Variants in SPINK4 observed in about 807,000 individuals in gnomAD.
The protein encoded by SPINK4 is serine protease inhibitor Kazal-type 4.
A neutral mutation model predicts 12.3 loss-of-function variants in SPINK4; 10 were observed. That is an observed-to-expected ratio of 0.81 (90% CI 0.50 to 1.37). The LOEUF is 1.37. Ranked by LOEUF, SPINK4 falls within the 40% of genes most tolerant of loss-of-function variation. The probability of loss-of-function intolerance (pLI) is 0.00; values close to 1 mark genes in which losing one functional copy is unlikely to be tolerated. For synonymous variants in SPINK4, 37 were observed against 40.2 expected (o/e 0.92, Z 0.30); for missense variants, 91 against 109.0 (o/e 0.84, Z 0.73).
chr9:33,240,882 G>A (rs573844211), intron 1 of SPINK4, among the ~76,000 whole-genome samples: 3 of 152,308 alleles, frequency 2.0e-5, no homozygotes, highest in Non-Finnish European at 2.9e-5. Flanking sequence ...GAAAAAGCAC[G>A]GTCCTGATGG....
intron 1 of SPINK4, among the ~76,000 whole-genome samples, chr9:33,243,771 C>T (rs1820261419): frequency 6.6e-6 from 1 of 152,080 alleles, no homozygotes; most frequent in Admixed American, 6.6e-5. Flanking sequence ...TACCCCAATG[C>T]CAGGCTTAAA....
chr9:33,245,841 C>T (rs995509156), intron 2 of SPINK4, among the ~76,000 whole-genome samples: 6 of 152,178 alleles, frequency 3.9e-5, no homozygotes, highest in Non-Finnish European at 8.8e-5. Flanking sequence ...GTGAGAGAAA[C>T]GCCACTATTA....
chr9:33,246,908 A>G (rs534480345), intron 3 of SPINK4, among the ~76,000 whole-genome samples, 180 bp downstream of exon 3: 1 of 152,216 alleles, frequency 6.6e-6, no homozygotes, highest in African/African-American at 2.4e-5. Context: ...CATGGTTCCA[A>G]GCAGAAATCT....
At position 33,248,547 on chromosome 9, in the gene SPINK4, T is replaced by TA; in HGVS notation, c.*80dup. 1 of 1,564,906 alleles carries TA rather than the reference T, an allele frequency of 6.4e-7. No individual in the cohort carries two copies. The highest frequency in any genetic ancestry group is 8.8e-7 in the Non-Finnish European group (1 of 1,142,192). ...GGCATGGAGAGGATATGACATGAAATAAAAGATCCAGCCCAACTGAGTGAA... is the reference window on the plus strand; with the variant it reads ...GGCATGGAGAGGATATGACATGAAATAAAAAGATCCAGCCCAACTGAGTGAA... On this transcript the variant is annotated 3_prime_UTR_variant, in exon 4 of 4. Transcript: ENST00000379721.
chr9:33,248,062 C>G (rs1820303479), intron 3 of SPINK4: 1 of 221,694 alleles, frequency 4.5e-6, no homozygotes, highest in Non-Finnish European at 9.0e-6. Flanking sequence ...GTTTGGGGGT[C>G]TGTACCAGTT....
rs1186751904 is a variant in SPINK4, at chr9:33,240,268, G to A, written c.60G>A (p.Arg20=). 2 of 1,600,962 alleles carry A rather than the reference G, an allele frequency of 1.2e-6. No homozygotes were observed. The highest frequency in any genetic ancestry group is 1.3e-5 in the African/African-American group (1 of 74,186). Residue 20 remains arginine (R), a splice_region_variant and synonymous_variant, in exon 1 of 4, where the codon AGG becomes AGA. Transcript: ENST00000379721. ...TGGCTGCCCTCCTTGTTGTGGACAGGGGTGAGTGGGCAGAACCTGGATTCT... is the reference window on the plus strand; with the variant it reads ...TGGCTGCCCTCCTTGTTGTGGACAGAGGTGAGTGGGCAGAACCTGGATTCT... ...LALAALLVVD[R]EVPVAAGKLP... is the part of the protein sequence containing the mutation.
chr9:33,248,187 C>T (rs1445986731), intron 3 of SPINK4: 1 of 547,912 alleles, frequency 1.8e-6, no homozygotes, highest in Non-Finnish European at 3.3e-6. Flanking sequence ...ATTTGGCAGC[C>T]ATCAGCGTGC....
intron 2 of SPINK4, among the ~76,000 whole-genome samples, 179 bp from the exon 3 acceptor site, chr9:33,246,437 C>T (rs1038590119): frequency 1.2e-4 from 18 of 152,194 alleles, no homozygotes; most frequent in African/African-American, 3.9e-4. Flanking sequence ...TGCACACGCA[C>T]ATACAAGCAA....
At chr9:33,241,250 G>A (rs1397871470) in intron 1 of SPINK4, among the ~76,000 whole-genome samples, 1 of 152,146 alleles carries the variant, frequency 6.6e-6, no homozygotes, top group Admixed American at 6.5e-5. Flanking sequence ...TAGGAGAGGA[G>A]ATGAGAGAGG....
Position 33,247,657 on chromosome 9 carries a change from G to A in SPINK4, c.216-769G>A, listed in dbSNP as rs1181509072. On this transcript the variant is annotated intron_variant, in intron 3 of 3. Coordinates refer to ENST00000379721, the MANE Select transcript of SPINK4 (RefSeq NM_014471.3). The stretch of plus-strand genomic sequence containing the variant: ...AAGGTTTAAGGGAGAATCAGGGAGA[G>A]GCAAGAAGTGAGTCCAGAAAGATGA... Among the ~76,000 whole-genome samples the A allele has an allele frequency of 2.6e-5, 4 of 152,166 alleles. 1 individual carries two copies. The highest frequency in any genetic ancestry group is 9.7e-5 in the African/African-American group (4 of 41,432).
At chr9:33,247,224 T>G (rs1446100548) in intron 3 of SPINK4, among the ~76,000 whole-genome samples, 1 of 150,060 alleles carries the variant, frequency 6.7e-6, no homozygotes, top group Non-Finnish European at 1.5e-5. Flanking sequence ...AGTGGCACGA[T>G]CTTGGCTCAT....
chr9:33,244,861 G>A (rs1820270679), intron 1 of SPINK4, among the ~76,000 whole-genome samples: 1 of 152,134 alleles, frequency 6.6e-6, no homozygotes, highest in African/African-American at 2.4e-5. Context: ...CAATTCCAGT[G>A]GGATCTAACT....
intron 1 of SPINK4, among the ~76,000 whole-genome samples, chr9:33,242,671 T>G (rs1820249166): frequency 6.6e-6 from 1 of 152,184 alleles, no homozygotes; most frequent in Admixed American, 6.5e-5. Flanking sequence ...TTCTTTTCCC[T>G]AACAGTTAAA....
At chr9:33,243,292 C>T (rs887584403) in intron 1 of SPINK4, among the ~76,000 whole-genome samples, 3 of 152,044 alleles carry the variant, frequency 2.0e-5, no homozygotes, top group South Asian at 2.1e-4. Context: ...AGGCTGGTCT[C>T]GAACTCCTGA....
Position 33,246,658 on chromosome 9 carries a change from A to G in SPINK4, c.145A>G (p.Met49Val), listed in dbSNP as rs999018439. ...GGTAGAGTCTCCAACCTGTTCCCAG[A>G]TGTCCAACCTGGTCTGCGGCACTGA... ...HMVESPTCSQ[M>V]SNLVCGTDGL... is the part of the protein sequence containing the mutation. The change falls in exon 3 of 4, where the codon ATG (methionine) becomes GTG (valine). Residue 49 changes from methionine to valine, a missense_variant. By Grantham distance (21) the Met-to-Val change is conservative (BLOSUM62 1). Transcript: ENST00000379721. 2 of 1,614,080 alleles carry G rather than the reference A, an allele frequency of 1.2e-6. No homozygotes were observed. The highest frequency in any genetic ancestry group is 1.7e-6 in the Non-Finnish European group (2 of 1,180,006).
At chr9:33,246,015 CCTGA>C (rs746578409) in intron 2 of SPINK4, among the ~76,000 whole-genome samples, 18 of 152,328 alleles carry the variant, frequency 1.2e-4, no homozygotes, top group Non-Finnish European at 2.5e-4. Flanking sequence ...TAATGCCAGT[CCTGA>C]CTGAGTTCTC....
Position 33,248,486 on chromosome 9 carries a change from C to G in SPINK4, c.*15C>G, listed in dbSNP as rs1261453582. The G allele has an allele frequency of 2.5e-6, 4 of 1,613,834 alleles. No homozygotes were observed. In the South Asian group the frequency reaches 4.4e-5, roughly 18 times the overall value. On this transcript the variant is annotated 3_prime_UTR_variant, in exon 4 of 4. Transcript: ENST00000379721. ...GCAAATGCTGATCCCACAGGAGCAC[C>G]TCAAGCCATGAAGTGTCAGCTGGAG...
At chr9:33,245,730 A>G (rs1815261535) in intron 2 of SPINK4, among the ~76,000 whole-genome samples, 1 of 152,168 alleles carries the variant, frequency 6.6e-6, no homozygotes, top group African/African-American at 2.4e-5. Flanking sequence ...CTTCCCATCC[A>G]CAGCCTCAGC....
intron 1 of SPINK4, among the ~76,000 whole-genome samples, chr9:33,243,097 G>A (rs1007284903): frequency 6.6e-6 from 1 of 151,258 alleles, no homozygotes; most frequent in Non-Finnish European, 1.5e-5. Context: ...TTTTTGAGAC[G>A]GAGTTTTGCT....
Sources: gnomAD v4.1 joint callset for allele counts (sites outside exome capture counted in the v4.1 genomes callset) on GRCh38, gnomAD v4.1.1 for gene constraint, MANE v1.5 for transcripts, NCBI Gene and HGNC (gene_info 2026-07-23, HGNC 2026-07-21) for gene names.